The following PTPN1 variants were observed in gnomAD, a reference collection of about 807,000 sequenced individuals.
PTPN1 encodes protein tyrosine phosphatase non-receptor type 1, also known as tyrosine-protein phosphatase non-receptor type 1.
In PTPN1, 12 loss-of-function variants were observed where a neutral mutation model predicts 59.9. The observed-to-expected ratio is 0.20, with a 90% CI of 0.13 to 0.32. The LOEUF (loss-of-function observed/expected upper bound fraction) is 0.32, where lower values mean the gene tolerates loss of function less well. PTPN1 is among the 10% of genes least tolerant of loss of function. The pLI, the probability that PTPN1 is intolerant of heterozygous loss-of-function variation, is 1.00. For missense variants in PTPN1, 356 were observed against 549.2 expected, an observed-to-expected ratio of 0.65 and a Z score of 3.52; for synonymous variants, 178 against 203.6, an observed-to-expected ratio of 0.87 and a Z score of 1.07.
chr20:50,554,380 A>ATTCTCTCTGTCTCTCTCTC (rs11481722), intron 1 of PTPN1, among the ~76,000 whole-genome samples: 1 of 140,200 alleles, frequency 7.1e-6, no homozygotes. Flanking sequence ...GCAAGACCAC[A>ATTCTCTCTGTCTCTCTCTC]TCTCTCTCTC....
intron 3 of PTPN1, among the ~76,000 whole-genome samples, chr20:50,566,468 G>A (rs2082779516): frequency 6.6e-6 from 1 of 152,096 alleles, no homozygotes; most frequent in South Asian, 2.1e-4. Context: ...GTGGCACTGG[G>A]GATGTTGAGA....
intron 4 of PTPN1, among the ~76,000 whole-genome samples, chr20:50,569,586 A>AGATTGTCTGTGTAGACTGTCCTGTGTG (rs2082796887): frequency 6.6e-6 from 1 of 151,920 alleles, no homozygotes; most frequent in Admixed American, 6.6e-5. Flanking sequence ...TGTCCTGTGT[A>AGATTGTCTGTGTAGACTGTCCTGTGTG]GACTGTCCAT....
At chr20:50,556,040 T>C (rs1361701628) in intron 1 of PTPN1, among the ~76,000 whole-genome samples, 1 of 152,142 alleles carries the variant, frequency 6.6e-6, no homozygotes, top group Non-Finnish European at 1.5e-5. Flanking sequence ...AGGTCTTTTT[T>C]TTTTTTTCTG....
intron 1 of PTPN1, among the ~76,000 whole-genome samples, chr20:50,525,606 G>T (rs1474159882): frequency 8.4e-6 from 1 of 119,488 alleles, no homozygotes; most frequent in Non-Finnish European, 1.7e-5. Flanking sequence ...AGTAGTCCTG[G>T]ATTTGATTTT....
At position 50,571,863 on chromosome 20, in the gene PTPN1, C is replaced by T. The variant is rs1333270510; in HGVS notation, c.355-2654C>T. On this transcript the variant is annotated intron_variant, in intron 4 of 9. Coordinates refer to ENST00000371621, the MANE Select transcript of PTPN1 (RefSeq NM_002827.4). ...TAATTGGCCATTGCAGAATCTCACCCGTATCTCCCTCCTGAAATCCTCACT... is the reference window on the plus strand; with the variant it reads ...TAATTGGCCATTGCAGAATCTCACCTGTATCTCCCTCCTGAAATCCTCACT... 5 of 152,304 alleles carry T rather than the reference C, an allele frequency of 3.3e-5. No homozygotes were observed. In the South Asian group the frequency reaches 6.2e-4, roughly 19 times the overall value. The allele number at this position is 152,304 out of a possible 1,614,324, so 9.4% of individuals were successfully genotyped here.
At chr20:50,564,162 G>A (rs1208862020) in intron 2 of PTPN1, among the ~76,000 whole-genome samples, 30 of 152,130 alleles carry the variant, frequency 2.0e-4, no homozygotes, top group Admixed American at 2.0e-3. Context: ...ACTGGATAGA[G>A]GTTAGGTTGA....
chr20:50,535,624 T>A, intron 1 of PTPN1, among the ~76,000 whole-genome samples: 1 of 152,248 alleles, frequency 6.6e-6, no homozygotes, highest in East Asian at 1.9e-4. Flanking sequence ...GTTTAGCTTC[T>A]GACAGGCAAA....
intron 1 of PTPN1, among the ~76,000 whole-genome samples, chr20:50,552,147 C>CG (rs2082704520): frequency 2.0e-5 from 3 of 152,240 alleles, no homozygotes; most frequent in Admixed American, 2.0e-4. Context: ...TGTTACGGTA[C>CG]GGTAGTCTAC....
intron 1 of PTPN1, among the ~76,000 whole-genome samples, chr20:50,520,413 A>C (rs1601385899): frequency 6.6e-6 from 1 of 152,002 alleles, no homozygotes; most frequent in South Asian, 2.1e-4. Flanking sequence ...GCTTTGTGAC[A>C]CTTCTACTTT....
chr20:50,517,610 CT>C (rs2082534483), intron 1 of PTPN1, among the ~76,000 whole-genome samples: 1 of 152,088 alleles, frequency 6.6e-6, no homozygotes, highest in African/African-American at 2.4e-5. Context: ...TTACTGAGTG[CT>C]TATGGTTTTA....
chr20:50,544,656 G>A (rs2082667006), intron 1 of PTPN1, among the ~76,000 whole-genome samples: 1 of 152,206 alleles, frequency 6.6e-6, no homozygotes, highest in Non-Finnish European at 1.5e-5. Context: ...CACTGGGCCA[G>A]CGGGGCTCAA....
At chr20:50,523,923 C>T (rs757001311) in intron 1 of PTPN1, among the ~76,000 whole-genome samples, 13 of 152,096 alleles carry the variant, frequency 8.5e-5, no homozygotes, top group African/African-American at 1.7e-4. Flanking sequence ...ACTTCTTGTC[C>T]GTCTCTGTTC....
intron 1 of PTPN1, among the ~76,000 whole-genome samples, chr20:50,531,542 A>G (rs551617630): frequency 6.6e-6 from 1 of 152,158 alleles, no homozygotes; most frequent in African/African-American, 2.4e-5. Flanking sequence ...ATGCCCAGCT[A>G]ATTTTTGTAT....
rs115681366 is a variant in PTPN1 at position 50,543,092 on chromosome 20, A to T, written c.64-18271A>T. 1.7e-3 allele frequency among the ~76,000 whole-genome samples: 256 copies of T among 152,360 alleles called. 1 individual carries two copies. The highest frequency in any genetic ancestry group is 6.1e-3 in the African/African-American group (254 of 41,594). ...GGAGTTTAGAAGTCAGATAACTGCC[A>T]TGGAGAGCTATGCTTTCTTTGTTTT... On this transcript the variant is annotated intron_variant, in intron 1 of 9. Coordinates refer to ENST00000371621, the MANE Select transcript of PTPN1 (RefSeq NM_002827.4).
At chr20:50,539,880 A>C (rs1036550344) in intron 1 of PTPN1, among the ~76,000 whole-genome samples, 3 of 151,666 alleles carry the variant, frequency 2.0e-5, no homozygotes, top group Admixed American at 6.6e-5. Flanking sequence ...ATGTAGTTTT[A>C]AATCTTTTTT....
At chr20:50,559,860 GT>G (rs774784720) in intron 1 of PTPN1, among the ~76,000 whole-genome samples, 7,511 of 141,806 alleles carry the variant, frequency 0.053, 376 homozygotes, top group African/African-American at 0.14. Context: ...TCCCCCAAGG[GT>G]TTTTTTTTTT....
intron 4 of PTPN1, chr20:50,573,056 C>G (rs1316973365): frequency 6.6e-6 from 1 of 152,310 alleles, no homozygotes; most frequent in Non-Finnish European, 1.5e-5. Flanking sequence ...GCACCACAAC[C>G]TGGTGTTTCC....
chr20:50,534,150 T>C (rs2082613745), intron 1 of PTPN1, among the ~76,000 whole-genome samples: 2 of 152,150 alleles, frequency 1.3e-5, no homozygotes, highest in Admixed American at 6.5e-5. Context: ...GGTTTCGAAC[T>C]CCTGACCTCA....
At chr20:50,529,669 A>G (rs1049179837) in intron 1 of PTPN1, among the ~76,000 whole-genome samples, 7 of 152,112 alleles carry the variant, frequency 4.6e-5, no homozygotes, top group South Asian at 2.1e-4. Context: ...GTGGATCTCA[A>G]CTTTCCCCCC....
Sources: allele counts gnomAD v4.1 joint callset (sites outside exome capture counted in the v4.1 genomes callset), GRCh38; gene constraint gnomAD v4.1.1; transcripts MANE v1.5; gene names NCBI Gene and HGNC (gene_info 2026-07-23, HGNC 2026-07-21).